The following CSNK1D variants were observed in gnomAD, a reference collection of about 807,000 sequenced individuals.
CSNK1D encodes casein kinase I isoform delta.
Under a neutral mutation model 46.6 loss-of-function variants are expected in CSNK1D, and 16 were observed. That is an observed-to-expected ratio of 0.34 (90% CI 0.23 to 0.52). The LOEUF is 0.52. Among genes scored for constraint, CSNK1D ranks in the 20% least tolerant of loss-of-function variants. The pLI is 0.95. For synonymous variants in CSNK1D, 276 were observed against 228.2 expected (o/e 1.21, Z -1.89); for missense variants, 398 against 578.4 (o/e 0.69, Z 3.20).
chr17:82,248,384 CA>C lies in CSNK1D; in HGVS notation c.1197+490del, dbSNP rs2050904805. 1.2e-5 allele frequency: 12 copies of C among 1,001,578 alleles called. No individual in the cohort carries two copies. Among genetic ancestry groups the C allele is most frequent in the Non-Finnish European group, 1.3e-5 (11 of 838,662 alleles). 62.0% of individuals were successfully genotyped at this position (1,001,578 alleles called of 1,614,324 possible). A position where few individuals can be genotyped will look rare whatever the true frequency, so the allele number is the denominator to read the frequency against. On this transcript the variant is annotated intron_variant, in intron 8 of 8. Coordinates refer to ENST00000314028, the MANE Select transcript of CSNK1D (RefSeq NM_001893.6). This position sits in a 1 kb window ranked among gnomAD's most constrained non-coding sequence, Gnocchi z 4.1. ...TCCAAGGGAAGACAGGTGAGGCCGT[CA>C]AAAGAAGGAAAGCCTCGTTGCAGGG...
At chr17:82,241,996 T>A (rs1257809360), downstream of CSNK1D, among the ~76,000 whole-genome samples, 3 of 144,276 alleles carry the variant, frequency 2.1e-5, no homozygotes, top group Admixed American at 2.2e-4. Context: ...ATCCTCCTCT[T>A]AGGCAGCGTG....
Position 82,252,683 on chromosome 17 carries a change from G to T in CSNK1D, c.566-79C>A. 7.0e-7 allele frequency: 1 copy of T among 1,427,092 alleles called. No homozygotes were observed. Among genetic ancestry groups the T allele is most frequent in the Non-Finnish European group, 9.6e-7 (1 of 1,040,654 alleles). 88.4% of individuals were successfully genotyped at this position (1,427,092 alleles called of 1,614,324 possible). A position where few individuals can be genotyped will look rare whatever the true frequency, so the allele number is the denominator to read the frequency against. Reference sequence around the variant, plus strand: ...GCAAAAGACCCGGCTGGCCGTTCCAGTGGAGACTAGCCTCAGACACACATG... The same window carrying T: ...GCAAAAGACCCGGCTGGCCGTTCCATTGGAGACTAGCCTCAGACACACATG... On this transcript the variant is annotated intron_variant, in intron 4 of 8. Coordinates refer to ENST00000314028, the MANE Select transcript of CSNK1D (RefSeq NM_001893.6). The surrounding 1 kb of genome is among the most constrained non-coding windows in gnomAD (Gnocchi z 4.6).
At chr17:82,270,054 G>C (rs2051579950) in intron 1 of CSNK1D, among the ~76,000 whole-genome samples, 1 of 152,246 alleles carries the variant, frequency 6.6e-6, no homozygotes, top group African/African-American at 2.4e-5. Context: ...CCACAGGTGT[G>C]TGTGGGCTGT....
chr17:82,248,761 T>C lies in CSNK1D; in HGVS notation c.1197+114A>G, dbSNP rs1229336633. 3 of 1,523,404 alleles carry C rather than the reference T, an allele frequency of 2.0e-6. No individual in the cohort carries two copies. Among genetic ancestry groups the C allele is most frequent in the African/African-American group, 1.4e-5 (1 of 72,260 alleles). 94.4% of individuals were successfully genotyped at this position (1,523,404 alleles called of 1,614,324 possible). On this transcript the variant is annotated intron_variant, in intron 8 of 8. Transcript: ENST00000314028. This position sits in a 1 kb window ranked among gnomAD's most constrained non-coding sequence, Gnocchi z 4.1. Reference sequence around the variant, plus strand: ...GCCACACCCTGGCGAGATTAAAAACTCTCAAAAATGGGGGGAAGAAAGGAA... The same window carrying C: ...GCCACACCCTGGCGAGATTAAAAACCCTCAAAAATGGGGGGAAGAAAGGAA...
intron 8 of CSNK1D, chr17:82,245,274 C>G (rs1411317466): frequency 3.2e-6 from 1 of 309,792 alleles, no homozygotes; most frequent in African/African-American, 2.1e-5. Flanking sequence ...GAAGCGCAAG[C>G]CCCTGCTGGA....
chr17:82,240,233 C>A, downstream of CSNK1D: 1 of 427,380 alleles, frequency 2.3e-6, no homozygotes, highest in East Asian at 3.6e-5. Context: ...CCAGCAGTTG[C>A]AGGGATCAAG....
In CSNK1D at chr17:82,273,170, C is replaced by T; in HGVS notation, c.76+136G>A. 1 of 879,036 alleles carries T rather than the reference C, an allele frequency of 1.1e-6. No individual in the cohort carries two copies. Among genetic ancestry groups the T allele is most frequent in the Non-Finnish European group, 1.7e-6 (1 of 587,690 alleles). The allele number at this position is 879,036 out of a possible 1,614,324, so 54.5% of individuals were successfully genotyped here. On this transcript the variant is annotated intron_variant, in intron 1 of 8. Transcript: ENST00000314028. This position sits in a 1 kb window ranked among gnomAD's most constrained non-coding sequence, Gnocchi z 5.1. ...GCGCTAGCCTAGTGGCCGTTGGGTTCTGGCCACGATCCGGCGGTGCCGGGA... is the reference window on the plus strand; with the variant it reads ...GCGCTAGCCTAGTGGCCGTTGGGTTTTGGCCACGATCCGGCGGTGCCGGGA...
chr17:82,258,632 A>G (rs1271064712), intron 2 of CSNK1D, among the ~76,000 whole-genome samples: 4 of 152,030 alleles, frequency 2.6e-5, no homozygotes, highest in African/African-American at 9.7e-5. Flanking sequence ...CTCATTTTGG[A>G]GTTTTCACTG....
At position 82,255,014 on chromosome 17, in the gene CSNK1D, A is replaced by C. The variant is rs1200590352; in HGVS notation, c.336+415T>G. On this transcript the variant is annotated intron_variant, in intron 3 of 8. Transcript: ENST00000314028. This position sits in a 1 kb window ranked among gnomAD's most constrained non-coding sequence, Gnocchi z 5.9. ...CAGCTGAGCCGCCGGAGCCTCGAGAAGCCAGTGAGCTGAGCCGTCGGAGCC... is the reference window on the plus strand; with the variant it reads ...CAGCTGAGCCGCCGGAGCCTCGAGACGCCAGTGAGCTGAGCCGTCGGAGCC... The C allele has an allele frequency of 2.8e-4, 98 of 344,188 alleles. 1 individual carries two copies. The highest frequency in any genetic ancestry group is 1.8e-3 in the South Asian group (82 of 45,186). The allele number at this position is 344,188 out of a possible 1,614,324, so 21.3% of individuals were successfully genotyped here.
At chr17:82,271,283 C>G (rs559475390) in intron 1 of CSNK1D, among the ~76,000 whole-genome samples, 1 of 152,262 alleles carries the variant, frequency 6.6e-6, no homozygotes, top group South Asian at 2.1e-4. Flanking sequence ...GCCACTTTGG[C>G]CAGGCTGGTC....
intron 2 of CSNK1D, among the ~76,000 whole-genome samples, chr17:82,257,267 G>A (rs1373426725): frequency 6.6e-6 from 1 of 151,802 alleles, no homozygotes; most frequent in Non-Finnish European, 1.5e-5. Flanking sequence ...GGTTTTTTGT[G>A]AGGCAAGTAT....
chr17:82,241,598 C>T (rs1177792802), downstream of CSNK1D, among the ~76,000 whole-genome samples: 1 of 152,228 alleles, frequency 6.6e-6, no homozygotes, highest in African/African-American at 2.4e-5. Context: ...TTGGGTCTTG[C>T]CGTTTTCCGG....
chr17:82,273,313 G>C lies in CSNK1D; in HGVS notation c.69C>G (p.Ile23Met). The stretch of plus-strand genomic sequence containing the variant: ...GGGGCGGCGGGGCCTCACCGAGATA[G>C]ATGTCTCCGAAGGAGCCGCTGCCGA... ...RKIGSGSFGDIYLGTDIAAGE... is the reference protein window; with the variant it reads ...RKIGSGSFGDMYLGTDIAAGE... Residue 23 changes from isoleucine (I) to methionine (M), a missense_variant, in exon 1 of 9, where the codon ATC becomes ATG. By Grantham distance (10) the Ile-to-Met change is conservative. Around this residue, in one of 2 missense-constraint regions of CSNK1D, gnomAD observed 217 missense variants for 370.3 expected, o/e 0.59. Transcript: ENST00000314028. This position sits in a 1 kb window ranked among gnomAD's most constrained non-coding sequence, Gnocchi z 5.1. 6.2e-7 allele frequency: 1 copy of C among 1,608,102 alleles called. No homozygotes were observed. The highest frequency in any genetic ancestry group is 8.5e-7 in the Non-Finnish European group (1 of 1,178,824).
chr17:82,253,232 C>T lies in CSNK1D; in HGVS notation c.349G>A (p.Glu117Lys). The T allele has an allele frequency of 3.1e-6, 5 of 1,613,888 alleles. No individual in the cohort carries two copies. Among genetic ancestry groups the T allele is most frequent in the Non-Finnish European group, 4.2e-6 (5 of 1,179,896 alleles). The part of the protein sequence containing the change: ...LLADQMISRI[E>K]YIHSKNFIHR... The stretch of plus-strand genomic sequence containing the variant: ...ATGAAGTTCTTTGAATGAATGTATT[C>T]GATGCGACTGATCTGTGAGCAGAGC... Residue 117 changes from glutamate (E) to lysine (K), a missense_variant, in exon 4 of 9, where the codon GAA becomes AAA. This residue lies in a region of CSNK1D where 217 missense variants were observed against 370.3 expected (regional missense o/e 0.59). Transcript: ENST00000314028.
In CSNK1D at chr17:82,250,504, T is replaced by C. The variant is rs1363736378; in HGVS notation, c.885+875A>G. 5 of 261,162 alleles carry C rather than the reference T, an allele frequency of 1.9e-5. No individual in the cohort carries two copies. Among genetic ancestry groups the C allele is most frequent in the Non-Finnish European group, 3.9e-5 (5 of 128,454 alleles). 16.2% of individuals were successfully genotyped at this position (261,162 alleles called of 1,614,324 possible). ...AGAGGGACTGATCTGCCCTGCCGAG[T>C]GCACCCCTCCCGGCACCTGGGCCCC... On this transcript the variant is annotated intron_variant, in intron 6 of 8. Coordinates refer to ENST00000314028, the MANE Select transcript of CSNK1D (RefSeq NM_001893.6). This position sits in a 1 kb window ranked among gnomAD's most constrained non-coding sequence, Gnocchi z 4.6.
chr17:82,266,197 T>C (rs535158259), intron 1 of CSNK1D, among the ~76,000 whole-genome samples: 1 of 152,170 alleles, frequency 6.6e-6, no homozygotes, highest in Non-Finnish European at 1.5e-5. Context: ...TGCTGCCTGA[T>C]AGGCCTCCGA....
rs2050896664 is a variant in CSNK1D at position 82,248,099 on chromosome 17, G to A, written c.1197+776C>T. On this transcript the variant is annotated intron_variant, in intron 8 of 8. Transcript: ENST00000314028. This position sits in a 1 kb window ranked among gnomAD's most constrained non-coding sequence, Gnocchi z 4.1. Reference sequence around the variant, plus strand: ...GTTCCTGCTCATCCGGAAGACCCGTGGGGGATCTGGGCACCCCCCAGGATG... The same window carrying A: ...GTTCCTGCTCATCCGGAAGACCCGTAGGGGATCTGGGCACCCCCCAGGATG... The A allele has an allele frequency of 1.0e-6, 1 of 985,356 alleles. No individual in the cohort carries two copies. The highest frequency in any genetic ancestry group is 1.7e-5 in the African/African-American group (1 of 57,230). The allele number at this position is 985,356 out of a possible 1,614,324, so 61.0% of individuals were successfully genotyped here. A position where few individuals can be genotyped will look rare whatever the true frequency, so the allele number is the denominator to read the frequency against.
intron 3 of CSNK1D, chr17:82,254,535 C>G (rs1294601876): frequency 5.0e-5 from 8 of 160,972 alleles, no homozygotes; most frequent in Non-Finnish European, 8.2e-5. Context: ...CCTCCAGAAG[C>G]CAGTCAGCTG....
chr17:82,240,096 C>G (rs2050721649), downstream of CSNK1D: 3 of 1,230,268 alleles, frequency 2.4e-6, no homozygotes, highest in Admixed American at 8.4e-5. Context: ...GTGCACATCT[C>G]AGGTCCAGCT....
Sources: gnomAD v4.1 joint callset for allele counts (sites outside exome capture counted in the v4.1 genomes callset) on GRCh38, gnomAD v4.1.1 for gene constraint, gnomAD v4.1.1 regional missense constraint, Gnocchi (gnomAD v3.1) non-coding constraint, MANE v1.5 for transcripts, NCBI Gene and HGNC (gene_info 2026-07-23, HGNC 2026-07-21) for gene names.